Variants in EFHC2 observed in about 807,000 individuals in gnomAD.
EFHC2 encodes EF-hand domain-containing family member C2.
A neutral mutation model predicts 52.7 loss-of-function variants in EFHC2; 18 were observed. The ratio of observed to expected loss-of-function variants is 0.34; its 90% CI spans 0.24 to 0.51. The LOEUF (loss-of-function observed/expected upper bound fraction) is 0.51, where lower values mean the gene tolerates loss of function less well. Among genes scored for constraint, EFHC2 ranks in the 20% least tolerant of loss-of-function variants. The pLI, the probability that EFHC2 is intolerant of heterozygous loss-of-function variation, is 0.97. For synonymous variants in EFHC2, 203 were observed against 204.1 expected (o/e 0.99, Z 0.04); for missense variants, 513 against 562.5 (o/e 0.91, Z 0.89).
At chrX:44,174,750 G>A (rs1241860674) in intron 13 of EFHC2, among the ~76,000 whole-genome samples, 2 of 110,049 alleles carry the variant, frequency 1.8e-5, no homozygotes, top group African/African-American at 6.6e-5. Context: ...TGGGAGTGGG[G>A]GATGATATCT....
chrX:44,178,087 C>A (rs940956865), intron 12 of EFHC2, among the ~76,000 whole-genome samples: 1 of 106,819 alleles, frequency 9.4e-6, no homozygotes, highest in South Asian at 4.3e-4. Flanking sequence ...GCCGAGGTTG[C>A]GCCACTGCAC....
intron 1 of EFHC2, among the ~76,000 whole-genome samples, chrX:44,332,331 C>A (rs1209037259): frequency 5.4e-5 from 6 of 110,388 alleles, no homozygotes; most frequent in African/African-American, 2.0e-4. Flanking sequence ...TTCCCCCCAC[C>A]CCCAACCCCA....
intron 3 of EFHC2, among the ~76,000 whole-genome samples, chrX:44,264,424 C>T (rs973110065): frequency 8.9e-6 from 1 of 112,234 alleles, no homozygotes; most frequent in Non-Finnish European, 1.9e-5. Flanking sequence ...GCCCCACCAG[C>T]TGACTTGCCT....
At chrX:44,287,270 CA>C (rs748898026) in intron 2 of EFHC2, among the ~76,000 whole-genome samples, 1 of 110,324 alleles carries the variant, frequency 9.1e-6, no homozygotes, top group Non-Finnish European at 1.9e-5. Context: ...GTTTTCCTTT[CA>C]AAAAAAATTT....
At chrX:44,283,084 C>G (rs1487479391) in intron 2 of EFHC2, among the ~76,000 whole-genome samples, 1 of 112,047 alleles carries the variant, frequency 8.9e-6, no homozygotes, top group Non-Finnish European at 1.9e-5. Flanking sequence ...CCAGGGGCAC[C>G]CTGTGTCTGA....
intron 11 of EFHC2, among the ~76,000 whole-genome samples, chrX:44,192,508 G>A (rs1175016338): frequency 1.2e-4 from 13 of 111,879 alleles, no homozygotes; most frequent in East Asian, 2.8e-4. Context: ...ATCTCTTTTC[G>A]TATATTTTAC....
chrX:44,246,294 CATAGAT>C (rs1343481405), intron 7 of EFHC2, among the ~76,000 whole-genome samples: 1 of 112,057 alleles, frequency 8.9e-6, no homozygotes, highest in African/African-American at 3.2e-5. Context: ...TCCACCTCAT[CATAGAT>C]ATAATTTCTA....
At chrX:44,215,628 C>CA (rs917473418) in intron 11 of EFHC2, among the ~76,000 whole-genome samples, 1 of 110,384 alleles carries the variant, frequency 9.1e-6, no homozygotes, top group African/African-American at 3.3e-5. Flanking sequence ...GAAGGCATCA[C>CA]AACCAGAACT....
At chrX:44,149,131 G>T (rs2036549311) in intron 14 of EFHC2, among the ~76,000 whole-genome samples, 1 of 112,026 alleles carries the variant, frequency 8.9e-6, no homozygotes, top group African/African-American at 3.2e-5. Context: ...AGTAAGAAGG[G>T]TATATTTTCC....
At chrX:44,276,600 A>T (rs1012661696) in intron 2 of EFHC2, among the ~76,000 whole-genome samples, 1 of 112,278 alleles carries the variant, frequency 8.9e-6, no homozygotes, top group African/African-American at 3.2e-5. Flanking sequence ...ATGCATTTTG[A>T]TGGGAAGTAG....
intron 11 of EFHC2, among the ~76,000 whole-genome samples, chrX:44,213,468 G>A (rs1226043418): frequency 4.5e-5 from 5 of 111,872 alleles, no homozygotes; most frequent in Non-Finnish European, 9.4e-5. Flanking sequence ...TAAAGGAGAC[G>A]TAAGACATCA....
intron 11 of EFHC2, among the ~76,000 whole-genome samples, chrX:44,193,926 G>A (rs2036942464): frequency 9.0e-6 from 1 of 111,545 alleles, no homozygotes; most frequent in Admixed American, 9.5e-5. Context: ...AAAGCTGGGA[G>A]CCTTGTGCCA....
At chrX:44,304,020 G>A (rs2147376260) in intron 2 of EFHC2, among the ~76,000 whole-genome samples, 1 of 111,999 alleles carries the variant, frequency 8.9e-6, no homozygotes, top group South Asian at 3.7e-4. Context: ...ATGTAAATGG[G>A]GCTTAACTTC....
At chrX:44,290,448 C>T (rs2037784959) in intron 2 of EFHC2, among the ~76,000 whole-genome samples, 1 of 110,769 alleles carries the variant, frequency 9.0e-6, no homozygotes, top group Non-Finnish European at 1.9e-5. Flanking sequence ...AAGTATTTTT[C>T]TTCCTCTGCC....
chrX:44,175,647 C>A (rs940388206), intron 13 of EFHC2, among the ~76,000 whole-genome samples: 5 of 111,465 alleles, frequency 4.5e-5, no homozygotes, highest in African/African-American at 1.6e-4. Context: ...ATATCCAAAA[C>A]AATGATCACA....
intron 2 of EFHC2, chrX:44,309,395 C>T: frequency 1.1e-6 from 1 of 949,131 alleles, no homozygotes; most frequent in East Asian, 3.1e-5. Context: ...CTACTCTCCT[C>T]TCAAAGAAGT....
At chrX:44,251,294 T>G (rs770773478) in intron 4 of EFHC2, among the ~76,000 whole-genome samples, 1 of 99,187 alleles carries the variant, frequency 1.0e-5, no homozygotes, top group South Asian at 4.9e-4. Context: ...TTGAGGAAGT[T>G]TTTCATATTA....
intron 11 of EFHC2, among the ~76,000 whole-genome samples, chrX:44,181,823 C>T (rs2036837678): frequency 8.9e-6 from 1 of 112,766 alleles, no homozygotes; most frequent in South Asian, 3.6e-4. Context: ...GCTGTCACCA[C>T]TCTGCCCCGC....
chrX:44,175,922 C>G (rs1038371837), intron 13 of EFHC2, among the ~76,000 whole-genome samples: 8 of 111,740 alleles, frequency 7.2e-5, no homozygotes, highest in Non-Finnish European at 1.5e-4. Flanking sequence ...GCTAATAACC[C>G]TAGGTTCTCT....
Sources: gnomAD v4.1 joint callset for allele counts (sites outside exome capture counted in the v4.1 genomes callset) on GRCh38, gnomAD v4.1.1 for gene constraint, MANE v1.5 for transcripts, NCBI Gene and HGNC (gene_info 2026-07-23, HGNC 2026-07-21) for gene names.